The following CLNK variants were observed in gnomAD, a reference collection of about 807,000 sequenced individuals.
The protein encoded by CLNK is cytokine dependent hematopoietic cell linker.
A neutral mutation model predicts 68.6 loss-of-function variants in CLNK; 74 were observed. That is an observed-to-expected ratio of 1.08 (90% CI 0.89 to 1.31). The LOEUF is 1.31. Among genes scored for constraint, CLNK ranks in the 50% most tolerant of loss-of-function variants. The pLI, the probability that CLNK is intolerant of heterozygous loss-of-function variation, is 0.00. For synonymous variants in CLNK, 198 were observed against 172.2 expected, an observed-to-expected ratio of 1.15 and a Z score of -1.17; for missense variants, 553 against 515.3, an observed-to-expected ratio of 1.07 and a Z score of -0.71.
chr4:10,571,815 C>T, intron 4 of CLNK, 37 bp from the exon 5 acceptor site: 1 of 1,557,250 alleles, frequency 6.4e-7, no homozygotes, highest in Non-Finnish European at 8.8e-7. Context: ...ATTTTAATCA[C>T]TGTGGTAGCT....
At chr4:10,610,540 C>T (rs1721974748) in intron 2 of CLNK, among the ~76,000 whole-genome samples, 1 of 152,028 alleles carries the variant, frequency 6.6e-6, no homozygotes, top group African/African-American at 2.4e-5. Context: ...TGAACCTAGA[C>T]AAAGAGAGGC....
chr4:10,594,993 G>A lies in CLNK; in HGVS notation c.83+2985C>T, dbSNP rs374679984. 3.9e-4 allele frequency among the ~76,000 whole-genome samples: 59 copies of A among 152,212 alleles called. No homozygotes were observed. In the South Asian group the frequency reaches 0.012, roughly 31 times the overall value. On this transcript the variant is annotated intron_variant, in intron 3 of 18. Coordinates refer to ENST00000226951, the MANE Select transcript of CLNK (RefSeq NM_052964.4). Reference sequence around the variant, plus strand: ...CCTGTAATCCCAGCTACTGGCTGGGGGGCTGAGGCAGGAGAATCGTTTGAA... The same window carrying A: ...CCTGTAATCCCAGCTACTGGCTGGGAGGCTGAGGCAGGAGAATCGTTTGAA...
At chr4:10,665,531 G>T (rs757703222) in intron 2 of CLNK, among the ~76,000 whole-genome samples, 3 of 152,052 alleles carry the variant, frequency 2.0e-5, no homozygotes, top group Non-Finnish European at 4.4e-5. Context: ...AGGCATGGTG[G>T]TAGACACCTG....
At chr4:10,591,956 TG>T (rs1021004303) in intron 3 of CLNK, among the ~76,000 whole-genome samples, 2 of 152,212 alleles carry the variant, frequency 1.3e-5, no homozygotes, top group African/African-American at 2.4e-5. Flanking sequence ...GGAAAAACAC[TG>T]GAAGTGTTTA....
chr4:10,557,847 T>C (rs918994789), intron 8 of CLNK, among the ~76,000 whole-genome samples: 4 of 152,174 alleles, frequency 2.6e-5, no homozygotes, highest in Non-Finnish European at 5.9e-5. Flanking sequence ...AGTCAAGCAT[T>C]GTAAGAGGAG....
chr4:10,640,816 A>G (rs919530035), intron 2 of CLNK, among the ~76,000 whole-genome samples: 1 of 152,216 alleles, frequency 6.6e-6, no homozygotes, highest in Non-Finnish European at 1.5e-5. Context: ...AACTATAAAC[A>G]GCAACGTGAA....
In CLNK at chr4:10,608,800, G is replaced by T. The variant is rs1202453127; in HGVS notation, c.12-10751C>A. 3.3e-5 allele frequency among the ~76,000 whole-genome samples: 5 copies of T among 152,176 alleles called. No homozygotes were observed. The East Asian group carries it at 9.6e-4, about 29-fold the overall frequency. Reference sequence around the variant, plus strand: ...TACCATAGGCTGGGGGGCTTGAATAGCAAACATTTATCCCTCATAGTTCTG... The same window carrying T: ...TACCATAGGCTGGGGGGCTTGAATATCAAACATTTATCCCTCATAGTTCTG... On this transcript the variant is annotated intron_variant, in intron 2 of 18. Transcript: ENST00000226951.
At chr4:10,583,093 T>C (rs957926978) in intron 4 of CLNK, among the ~76,000 whole-genome samples, 2 of 152,178 alleles carry the variant, frequency 1.3e-5, no homozygotes, top group Admixed American at 6.5e-5. Context: ...CAGAAACAAC[T>C]TGAAGGATCT....
chr4:10,512,817 T>C (rs1377093273), intron 16 of CLNK, among the ~76,000 whole-genome samples: 1 of 151,196 alleles, frequency 6.6e-6, no homozygotes. Context: ...AGAGAAAGCA[T>C]ACAAGATACA....
chr4:10,583,267 TTCTC>T (rs774852724), intron 4 of CLNK, among the ~76,000 whole-genome samples: 1 of 151,998 alleles, frequency 6.6e-6, no homozygotes, highest in Non-Finnish European at 1.5e-5. Flanking sequence ...TGTTATTTCT[TTCTC>T]TCTCTCTCTT....
chr4:10,706,573 G>A, the CLNK span, among the ~76,000 whole-genome samples: 3 of 152,160 alleles, frequency 2.0e-5, no homozygotes, highest in East Asian at 1.9e-4. Flanking sequence ...AGAAGAAGAG[G>A]AAGTATGTAT....
chr4:10,568,781 T>C (rs1465136654), intron 5 of CLNK, among the ~76,000 whole-genome samples: 1 of 152,212 alleles, frequency 6.6e-6, no homozygotes, highest in African/African-American at 2.4e-5. Flanking sequence ...AGCATGTTGC[T>C]TTCAGTCTTG....
intron 2 of CLNK, among the ~76,000 whole-genome samples, chr4:10,610,126 CG>C (rs1721954337): frequency 7.2e-6 from 1 of 139,192 alleles, no homozygotes; most frequent in Non-Finnish European, 1.5e-5. Flanking sequence ...GCGCGATCTC[CG>C]CTCACTGCAA....
the CLNK span, among the ~76,000 whole-genome samples, chr4:10,707,190 A>G: frequency 0.8 from 122,203 of 152,058 alleles, 49,461 homozygotes; most frequent in Admixed American, 0.86. Flanking sequence ...ATTGTCTTGG[A>G]CCACACATAA....
chr4:10,641,457 C>T (rs1269698381), intron 2 of CLNK, among the ~76,000 whole-genome samples: 1 of 152,132 alleles, frequency 6.6e-6, no homozygotes, highest in Non-Finnish European at 1.5e-5. Flanking sequence ...ACTCTCACTC[C>T]AGTGGAGACC....
intron 2 of CLNK, among the ~76,000 whole-genome samples, chr4:10,624,137 C>T (rs940946140): frequency 6.6e-6 from 1 of 152,126 alleles, no homozygotes; most frequent in Non-Finnish European, 1.5e-5. Context: ...TCTAAACAAT[C>T]CAGAGCATGT....
At chr4:10,597,912 G>A in intron 3 of CLNK, 66 bp downstream of exon 3, 1 of 1,113,302 alleles carries the variant, frequency 9.0e-7, no homozygotes, top group Non-Finnish European at 1.3e-6. Flanking sequence ...GTTTGTGATG[G>A]TCAGCTTATT....
intron 11 of CLNK, among the ~76,000 whole-genome samples, chr4:10,538,349 G>T (rs575755489): frequency 6.6e-6 from 1 of 152,316 alleles, no homozygotes; most frequent in Admixed American, 6.5e-5. Context: ...GGCTGGTCTT[G>T]AACTCCTTGC....
the CLNK span, among the ~76,000 whole-genome samples, chr4:10,702,234 G>T: frequency 2.0e-5 from 3 of 152,130 alleles, no homozygotes; most frequent in Admixed American, 6.5e-5. Context: ...AAGCTGAGAG[G>T]CTCTCACAGG....
Sources: allele counts gnomAD v4.1 joint callset (sites outside exome capture counted in the v4.1 genomes callset), GRCh38; gene constraint gnomAD v4.1.1; transcripts MANE v1.5; gene names NCBI Gene and HGNC (gene_info 2026-07-23, HGNC 2026-07-21).